Variants in SMAD5 observed in about 807,000 individuals in gnomAD.
SMAD5 encodes MAD, mothers against decapentaplegic homolog 5.
A neutral mutation model predicts 43.1 loss-of-function variants in SMAD5; 9 were observed. That is an observed-to-expected ratio of 0.21 (90% CI 0.13 to 0.36). SMAD5 has a LOEUF of 0.36. SMAD5 is among the 10% of genes least tolerant of loss of function. The pLI, the probability that SMAD5 is intolerant of heterozygous loss-of-function variation, is 1.00. For synonymous variants in SMAD5, 190 were observed against 192.4 expected (o/e 0.99, Z 0.10); for missense variants, 348 against 574.0 (o/e 0.61, Z 4.02).
intron 1 of SMAD5, among the ~76,000 whole-genome samples, chr5:136,143,364 T>C (rs996496572): frequency 6.6e-6 from 1 of 151,960 alleles, no homozygotes; most frequent in Admixed American, 6.6e-5. Flanking sequence ...AGTTAGTCTC[T>C]TACTTGGTCC....
intron 1 of SMAD5, among the ~76,000 whole-genome samples, chr5:136,146,818 C>G (rs1753272031): frequency 6.6e-6 from 1 of 151,560 alleles, no homozygotes; most frequent in South Asian, 2.1e-4. Flanking sequence ...CTTTAGAAAC[C>G]TAGCTGTTAA....
intron 1 of SMAD5, among the ~76,000 whole-genome samples, chr5:136,137,405 T>C (rs1405396867): frequency 1.3e-5 from 2 of 152,182 alleles, no homozygotes; most frequent in Non-Finnish European, 2.9e-5. Context: ...TGTTTTGTTA[T>C]ACCGAAAATA....
chr5:136,154,911 A>G (rs1262041532), intron 3 of SMAD5, among the ~76,000 whole-genome samples: 1 of 152,166 alleles, frequency 6.6e-6, no homozygotes, highest in Non-Finnish European at 1.5e-5. Context: ...CTAAGACAGT[A>G]TGCTATCCTG....
chr5:136,153,864 T>C lies in SMAD5; in HGVS notation c.104T>C (p.Val35Ala). Reference protein sequence around the residue: ...DEEEKWAEKAVDALVKKLKKK... With the variant: ...DEEEKWAEKAADALVKKLKKK... ...GAGGAGAAATGGGCAGAAAAGGCAG[T>C]TGATGCTTTGGTGAAGAAACTAAAA... Residue 35 changes from valine to alanine, a missense_variant, in exon 3 of 8, where the codon GTT becomes GCT. Val to Ala is a moderately conservative substitution (Grantham distance 64). Transcript: ENST00000545279. 6.2e-7 allele frequency: 1 copy of C among 1,613,904 alleles called. No homozygotes were observed. The highest frequency in any genetic ancestry group is 8.5e-7 in the Non-Finnish European group (1 of 1,179,870).
chr5:136,155,269 C>T (rs1185709510), intron 3 of SMAD5, among the ~76,000 whole-genome samples: 1 of 152,162 alleles, frequency 6.6e-6, no homozygotes, highest in Non-Finnish European at 1.5e-5. Flanking sequence ...ATGCCCTAAA[C>T]TGCAAGGTCA....
At chr5:136,163,069 T>C (rs573848563) in intron 4 of SMAD5, among the ~76,000 whole-genome samples, 2 of 152,290 alleles carry the variant, frequency 1.3e-5, no homozygotes, top group East Asian at 3.9e-4. Flanking sequence ...GCTAAATAAA[T>C]GTGGATTTGT....
chr5:136,162,877 T>C (rs1753870673), intron 4 of SMAD5, among the ~76,000 whole-genome samples: 2 of 152,348 alleles, frequency 1.3e-5, no homozygotes, highest in South Asian at 2.1e-4. Flanking sequence ...CTGATCTTAA[T>C]AATTTAAAAG....
intron 1 of SMAD5, among the ~76,000 whole-genome samples, chr5:136,141,467 G>A (rs916255407): frequency 2.0e-5 from 3 of 152,126 alleles, no homozygotes; most frequent in South Asian, 2.1e-4. Flanking sequence ...GTCGTGCTAC[G>A]TTATTCTGTG....
chr5:136,169,853 A>G (rs1754151534), intron 5 of SMAD5, among the ~76,000 whole-genome samples: 2 of 152,158 alleles, frequency 1.3e-5, no homozygotes, highest in Non-Finnish European at 2.9e-5. Flanking sequence ...TTTAATTTGC[A>G]ATTCCTTAAT....
chr5:136,160,756 G>A (rs1753794661), intron 3 of SMAD5, 100 bp from the exon 4 acceptor site: 5 of 1,160,618 alleles, frequency 4.3e-6, no homozygotes, highest in Non-Finnish European at 6.2e-6. Flanking sequence ...GTTTTAATAG[G>A]TTTACAGTCT....
Position 136,172,647 on chromosome 5 carries a change from T to C in SMAD5, c.989T>C (p.Ile330Thr). The C allele has an allele frequency of 6.3e-7, 1 of 1,585,120 alleles. No homozygotes were observed. The highest frequency in any genetic ancestry group is 8.7e-7 in the Non-Finnish European group (1 of 1,153,630). Residue 330 changes from isoleucine (I) to threonine (T), a missense_variant, in exon 6 of 8, where the codon ATT becomes ACT. By Grantham distance (89) the Ile-to-Thr change is moderately conservative. Around this residue, in one of 5 missense-constraint regions of SMAD5, gnomAD observed 97 missense variants for 211.8 expected, o/e 0.46. Coordinates refer to ENST00000545279, the MANE Select transcript of SMAD5 (RefSeq NM_005903.7). ...NSTIENTRRH[I>T]GKGVHLYYVG... The stretch of plus-strand genomic sequence containing the variant: ...ACAATTGAAAACACTAGGCGACATA[T>C]TGGAAAAGGTAATCTTGTCATTTTC...
intron 3 of SMAD5, among the ~76,000 whole-genome samples, chr5:136,159,686 G>A (rs1488034152): frequency 2.0e-5 from 3 of 152,190 alleles, no homozygotes; most frequent in African/African-American, 7.2e-5. Context: ...CTTGTTCTGC[G>A]AGGGGAATAG....
rs1176331047 is a variant in SMAD5, at chr5:136,147,853, T to C, written c.-223T>C. 1 of 151,806 alleles carries C rather than the reference T, an allele frequency of 6.6e-6. No individual in the cohort carries two copies. Among genetic ancestry groups the C allele is most frequent in the Non-Finnish European group, 1.5e-5 (1 of 67,810 alleles). The allele number at this position is 151,806 out of a possible 1,614,324, so 9.4% of individuals were successfully genotyped here. ...TTAGAAAGGAAGCTGTTGAAGTTAT[T>C]GAAGTACCTGTTGCTATATTCTAAG... On this transcript the variant is annotated 5_prime_UTR_variant, in exon 2 of 8. Coordinates refer to ENST00000545279, the MANE Select transcript of SMAD5 (RefSeq NM_005903.7).
In SMAD5 at chr5:136,135,790, A is replaced by C. The variant is rs192243184; in HGVS notation, c.-245+2828A>C. ...AGTACGCTTGAGGATATAGGTGTCT[A>C]TTCTCTTGGTTTATCAGTCTTCCCT... On this transcript the variant is annotated intron_variant, in intron 1 of 7. Transcript: ENST00000545279. Among the ~76,000 whole-genome samples, 862 of 152,294 alleles carry C rather than the reference A, an allele frequency of 5.7e-3. 4 individuals carry two copies. The highest frequency in any genetic ancestry group is 0.01 in the Middle Eastern group (3 of 294).
intron 3 of SMAD5, among the ~76,000 whole-genome samples, chr5:136,160,374 C>T (rs1173982194): frequency 1.7e-4 from 26 of 152,040 alleles, no homozygotes; most frequent in Non-Finnish European, 1.8e-4. Flanking sequence ...TTGTTCAGTG[C>T]GTAGGCCAAC....
rs1488397110 is a variant in SMAD5 at position 136,179,537 on chromosome 5, T to G, written c.*2057T>G. The stretch of plus-strand genomic sequence containing the variant: ...TGTTTTCTGTGTCATTATTTATTGC[T>G]TTTTCAATGTGCAGCCAGTGGATGG... On this transcript the variant is annotated 3_prime_UTR_variant, in exon 8 of 8. Transcript: ENST00000545279. 3.3e-5 allele frequency: 5 copies of G among 152,426 alleles called. No individual in the cohort carries two copies. In the East Asian group the frequency reaches 5.8e-4, roughly 18 times the overall value. The allele number at this position is 152,426 out of a possible 1,614,324, so 9.4% of individuals were successfully genotyped here.
chr5:136,166,205 A>G (rs1395615488), intron 5 of SMAD5, among the ~76,000 whole-genome samples: 1 of 149,002 alleles, frequency 6.7e-6, no homozygotes, highest in Non-Finnish European at 1.5e-5. Flanking sequence ...GAAAAATTGT[A>G]TATCTTTATG....
intron 3 of SMAD5, among the ~76,000 whole-genome samples, chr5:136,155,836 T>G (rs1385265849): frequency 6.6e-6 from 1 of 152,220 alleles, no homozygotes; most frequent in Non-Finnish European, 1.5e-5. Context: ...CCTTAGTGCT[T>G]AGAATAGTAT....
intron 5 of SMAD5, among the ~76,000 whole-genome samples, chr5:136,169,152 A>G (rs1380366690): frequency 6.6e-6 from 1 of 152,162 alleles, no homozygotes; most frequent in African/African-American, 2.4e-5. Flanking sequence ...CTGGCAAACC[A>G]CTAGTCTAAG....
Sources: gnomAD v4.1 joint callset for allele counts (sites outside exome capture counted in the v4.1 genomes callset) on GRCh38, gnomAD v4.1.1 for gene constraint, gnomAD v4.1.1 regional missense constraint, MANE v1.5 for transcripts, NCBI Gene and HGNC (gene_info 2026-07-23, HGNC 2026-07-21) for gene names.